The following PTPRC variants were observed in gnomAD, a reference collection of about 807,000 sequenced individuals.
The protein encoded by PTPRC is receptor-type tyrosine-protein phosphatase C.
Under a neutral mutation model 155.9 loss-of-function variants are expected in PTPRC, and 44 were observed. The ratio of observed to expected loss-of-function variants is 0.28; its 90% CI spans 0.22 to 0.36. The LOEUF is 0.36. Among genes scored for constraint, PTPRC ranks in the 10% least tolerant of loss-of-function variants. PTPRC has a pLI of 1.00. For synonymous variants in PTPRC, 525 were observed against 533.1 expected (o/e 0.98, Z 0.21); for missense variants, 1,401 against 1,564.6 (o/e 0.90, Z 1.76).
chr1:198,737,646 G>A (rs1417449262), intron 23 of PTPRC, among the ~76,000 whole-genome samples: 1 of 151,510 alleles, frequency 6.6e-6, no homozygotes, highest in East Asian at 1.9e-4. Flanking sequence ...GCTATTCTGG[G>A]TCTTTTGTGG....
At position 198,718,134 on chromosome 1, in the gene PTPRC, A is replaced by G; in HGVS notation, c.1491A>G (p.Ser497=). ...QVWNMTVSMT[S]DNSMHVKCRP... is the part of the protein sequence containing the mutation. Reference sequence around the variant, plus strand: ...GGAACATGACTGTCTCCATGACATCAGATAATAGTATGCATGTCAAGTGTA... The same window carrying G: ...GGAACATGACTGTCTCCATGACATCGGATAATAGTATGCATGTCAAGTGTA... The change falls in exon 14 of 33, where the codon TCA becomes TCG. Residue 497 remains serine, a synonymous_variant. Coordinates refer to ENST00000442510, the MANE Select transcript of PTPRC (RefSeq NM_002838.5). The G allele has an allele frequency of 6.2e-7, 1 of 1,613,820 alleles. No homozygotes were observed.
At chr1:198,712,890 A>G (rs200878478) in intron 11 of PTPRC, 63 bp from the exon 12 acceptor site, 2 of 1,495,380 alleles carry the variant, frequency 1.3e-6, no homozygotes, top group Non-Finnish European at 1.9e-6. Context: ...TGCTTATAAT[A>G]TGAAGAATGC....
At chr1:198,730,479 T>G (rs1654335595) in intron 17 of PTPRC, among the ~76,000 whole-genome samples, 2 of 152,104 alleles carry the variant, frequency 1.3e-5, no homozygotes, top group African/African-American at 4.8e-5. Flanking sequence ...TACCTAGGAT[T>G]TGATAAATAT....
At chr1:198,721,383 GA>G (rs977403545) in intron 14 of PTPRC, among the ~76,000 whole-genome samples, 3 of 151,314 alleles carry the variant, frequency 2.0e-5, no homozygotes, top group South Asian at 4.2e-4. Flanking sequence ...AAACTAAAGG[GA>G]AAAAAAAGGC....
chr1:198,708,163 C>T lies in PTPRC; in HGVS notation c.935C>T (p.Thr312Ile). 2 of 1,606,556 alleles carry T rather than the reference C, an allele frequency of 1.2e-6. No homozygotes were observed. The highest frequency in any genetic ancestry group is 2.2e-5 in the East Asian group (1 of 44,654). Residue 312 changes from threonine (T) to isoleucine (I), a missense_variant, in exon 10 of 33, where the codon ACA becomes ATA. Transcript: ENST00000442510. The part of the protein sequence containing the change: ...GVEKFQLHDC[T>I]QVEKADTTIC... ...GAAAAGTTTCAGTTACATGATTGTA[C>T]ACAAGTTGAAAAAGCAGATACTACT...
At chr1:198,723,538 T>C (rs1466817415) in intron 15 of PTPRC, among the ~76,000 whole-genome samples, 1 of 152,222 alleles carries the variant, frequency 6.6e-6, no homozygotes, top group Non-Finnish European at 1.5e-5. Flanking sequence ...TTGATTTTAT[T>C]TCCACATTAC....
chr1:198,651,470 C>A (rs577045216), intron 2 of PTPRC, among the ~76,000 whole-genome samples: 6 of 151,668 alleles, frequency 4.0e-5, no homozygotes, highest in African/African-American at 1.4e-4. Context: ...AGATATAAAT[C>A]CTTTTGTCAG....
rs1161039256 is a variant in PTPRC, at chr1:198,726,153, C to CA, written c.1721-2186dup. 2.6e-5 allele frequency among the ~76,000 whole-genome samples: 4 copies of CA among 152,128 alleles called. No individual in the cohort carries two copies. The East Asian group carries it at 7.7e-4, about 29-fold the overall frequency. On this transcript the variant is annotated intron_variant, in intron 15 of 32. Transcript: ENST00000442510. ...TGGAATGCTAACTTACAGTCATTTG[C>CA]AGTTTCTTGCAAAATCTTACTTCAG...
intron 13 of PTPRC, 40 bp from the exon 14 acceptor site, chr1:198,718,054 T>G (rs1653681806): frequency 6.8e-7 from 1 of 1,464,786 alleles, no homozygotes; most frequent in Non-Finnish European, 9.5e-7. Context: ...CATATGCATC[T>G]ATTAAATTAT....
intron 3 of PTPRC, chr1:198,695,242 T>C: frequency 1.2e-6 from 1 of 855,402 alleles, no homozygotes; most frequent in Non-Finnish European, 1.4e-6. Context: ...GTCCTATCAT[T>C]TCTACTCCTT....
At chr1:198,735,951 A>C (rs1169687580) in intron 23 of PTPRC, among the ~76,000 whole-genome samples, 1 of 151,602 alleles carries the variant, frequency 6.6e-6, no homozygotes, top group Non-Finnish European at 1.5e-5. Context: ...CTATTTAGTG[A>C]ATGTAATATG....
intron 15 of PTPRC, among the ~76,000 whole-genome samples, chr1:198,724,333 T>A (rs1243361152): frequency 6.6e-6 from 1 of 152,214 alleles, no homozygotes; most frequent in Non-Finnish European, 1.5e-5. Context: ...TTCCACCACC[T>A]GTACTTTGAC....
At chr1:198,736,500 G>A (rs1250698847) in intron 23 of PTPRC, among the ~76,000 whole-genome samples, 1 of 151,648 alleles carries the variant, frequency 6.6e-6, no homozygotes, top group East Asian at 1.9e-4. Flanking sequence ...CATCCATGTT[G>A]TTGCAAATGA....
At chr1:198,653,109 T>C (rs1663346636) in intron 2 of PTPRC, among the ~76,000 whole-genome samples, 1 of 151,880 alleles carries the variant, frequency 6.6e-6, no homozygotes, top group Non-Finnish European at 1.5e-5. Context: ...TCAATTTAAC[T>C]GTACATATCT....
At position 198,696,770 on chromosome 1, in the gene PTPRC, C is replaced by T; in HGVS notation, c.159C>T (p.His53=). 6.2e-7 allele frequency: 1 copy of T among 1,614,128 alleles called. No homozygotes were observed. Among genetic ancestry groups the T allele is most frequent in the South Asian group, 1.1e-5 (1 of 91,076 alleles). The change falls in exon 4 of 33, where the codon CAC becomes CAT. Residue 53 remains histidine, a synonymous_variant. Coordinates refer to ENST00000442510, the MANE Select transcript of PTPRC (RefSeq NM_002838.5). ...TTTCAAGTGACCCCTTACCTACTCA[C>T]ACCACTGCATTCTCACCCGCAAGCA... is the stretch of plus-strand genomic sequence containing the variant. ...VPLSSDPLPT[H]TTAFSPASTF...
intron 28 of PTPRC, chr1:198,750,262 C>T: frequency 1.9e-6 from 1 of 532,514 alleles, no homozygotes; most frequent in Non-Finnish European, 3.3e-6. Context: ...ATTTGTTTCG[C>T]AAGATATGTT....
intron 5 of PTPRC, 36 bp from the exon 6 acceptor site, chr1:198,702,351 C>A: frequency 6.2e-7 from 1 of 1,614,146 alleles, no homozygotes; most frequent in Non-Finnish European, 8.5e-7. Flanking sequence ...GCGTGACAGA[C>A]ACAAGTGACA....
rs868289664 is a variant in PTPRC, at chr1:198,742,007, C to T, written c.2542C>T (p.Pro848Ser). The T allele has an allele frequency of 6.2e-7, 1 of 1,611,558 alleles. No individual in the cohort carries two copies. The highest frequency in any genetic ancestry group is 8.5e-7 in the Non-Finnish European group (1 of 1,178,870). The change falls in exon 24 of 33, where the codon CCC becomes TCC. Residue 848 changes from proline (P) to serine (S), a missense_variant. Around this residue, in one of 3 missense-constraint regions of PTPRC, gnomAD observed 134 missense variants for 204.7 expected, o/e 0.65. Transcript: ENST00000442510. ...VNAFSNFFSGPIVVHCSAGVG... is the reference protein window; with the variant it reads ...VNAFSNFFSGSIVVHCSAGVG... ...TGCCTTCAGCAATTTCTTCAGTGGT[C>T]CCATTGTGGTGCACTGCAGGTAGGA...
chr1:198,740,225 A>G (rs911871853), intron 23 of PTPRC, among the ~76,000 whole-genome samples: 2 of 151,918 alleles, frequency 1.3e-5, no homozygotes, highest in African/African-American at 4.8e-5. Flanking sequence ...GTAGAAATAA[A>G]TGAAACTGAA....
Sources: gnomAD v4.1 joint callset for allele counts (sites outside exome capture counted in the v4.1 genomes callset) on GRCh38, gnomAD v4.1.1 for gene constraint, gnomAD v4.1.1 regional missense constraint, MANE v1.5 for transcripts, NCBI Gene and HGNC (gene_info 2026-07-23, HGNC 2026-07-21) for gene names.